The following SLC39A11 variants were observed in gnomAD, a reference collection of about 807,000 sequenced individuals.
SLC39A11 encodes the protein zinc transporter ZIP11.
SLC39A11 carries 33 observed loss-of-function variants against 36.1 expected under a neutral mutation model. The observed-to-expected ratio is 0.91, with a 90% CI of 0.69 to 1.22. SLC39A11 has a LOEUF of 1.22. Among genes scored for constraint, SLC39A11 ranks in the 50% most tolerant of loss-of-function variants. The probability of loss-of-function intolerance (pLI) is 0.00; values close to 1 mark genes in which losing one functional copy is unlikely to be tolerated. For missense variants in SLC39A11, 432 were observed against 430.3 expected, an observed-to-expected ratio of 1.00 and a Z score of -0.03; for synonymous variants, 166 against 170.3, an observed-to-expected ratio of 0.97 and a Z score of 0.20.
chr17:72,831,791 C>T (rs868533868), intron 6 of SLC39A11, among the ~76,000 whole-genome samples: 3 of 152,130 alleles, frequency 2.0e-5, no homozygotes, highest in Admixed American at 1.3e-4. Flanking sequence ...AAGAAGCATC[C>T]GAATTCATTT....
chr17:73,024,211 G>C (rs2058453384), intron 4 of SLC39A11, among the ~76,000 whole-genome samples: 1 of 152,188 alleles, frequency 6.6e-6, no homozygotes, highest in Admixed American at 6.5e-5. Flanking sequence ...ACACTGGAAG[G>C]ATCTGCTATT....
At position 72,737,991 on chromosome 17, in the gene SLC39A11, CATTTTT is replaced by C. The variant is rs1044611296; in HGVS notation, c.602-1278_602-1273del. On this transcript the variant is annotated intron_variant, in intron 6 of 9. Coordinates refer to ENST00000255559, the MANE Select transcript of SLC39A11 (RefSeq NM_139177.4). The stretch of plus-strand genomic sequence containing the variant: ...TGGCGTGATCACCACCACCAGCATG[CATTTTT>C]ATTTTTATATTTTTATGTTTTATTG... 5.9e-4 allele frequency among the ~76,000 whole-genome samples: 90 copies of C among 152,030 alleles called. 2 individuals are homozygous for C. Among genetic ancestry groups the C allele is most frequent in the Non-Finnish European group, 1.8e-4 (12 of 67,994 alleles).
intron 5 of SLC39A11, among the ~76,000 whole-genome samples, chr17:72,938,336 C>T (rs1399400822): frequency 6.6e-6 from 1 of 152,168 alleles, no homozygotes; most frequent in African/African-American, 2.4e-5. Flanking sequence ...CTGTACTTCA[C>T]GCAGGTTCAA....
At chr17:72,714,332 G>A (rs4793479) in intron 7 of SLC39A11, among the ~76,000 whole-genome samples, 78,578 of 151,802 alleles carry the variant, frequency 0.52, 22,815 homozygotes, top group Admixed American at 0.64. Flanking sequence ...CTCCAGCCTG[G>A]GTAACAGAGT....
chr17:72,920,666 C>T (rs2083607992), intron 5 of SLC39A11, among the ~76,000 whole-genome samples: 1 of 126,242 alleles, frequency 7.9e-6, no homozygotes, highest in African/African-American at 3.1e-5. Context: ...ACACCCTATA[C>T]ACAAACACAC....
In SLC39A11 at chr17:72,812,900, A is replaced by G. The variant is rs572853578; in HGVS notation, c.601+36734T>C. On this transcript the variant is annotated intron_variant, in intron 6 of 9. Transcript: ENST00000255559. ...ATAGCATCCCGCTTTTCTTTGAGAAATTCCCTGCCTCCATCCTACACAGTC... is the reference window on the plus strand; with the variant it reads ...ATAGCATCCCGCTTTTCTTTGAGAAGTTCCCTGCCTCCATCCTACACAGTC... 4.0e-5 allele frequency among the ~76,000 whole-genome samples: 6 copies of G among 151,564 alleles called. No homozygotes were observed. In the East Asian group the frequency reaches 1.2e-3, roughly 29 times the overall value.
At chr17:73,061,180 T>G (rs1490006971) in intron 3 of SLC39A11, among the ~76,000 whole-genome samples, 3 of 152,028 alleles carry the variant, frequency 2.0e-5, no homozygotes, top group South Asian at 2.1e-4. Context: ...GCCAACATGG[T>G]GAAACCCCGT....
chr17:72,961,124 G>C (rs1042305766), intron 4 of SLC39A11, among the ~76,000 whole-genome samples: 1 of 152,212 alleles, frequency 6.6e-6, no homozygotes, highest in South Asian at 2.1e-4. Context: ...CAGGAGGCCT[G>C]TTCTCATCAC....
In SLC39A11 at chr17:73,015,484, T is replaced by C. The variant is rs1051208981; in HGVS notation, c.306+16072A>G. On this transcript the variant is annotated intron_variant, in intron 4 of 9. Transcript: ENST00000255559. ...CATATACAGTTTATAATTTGGAGTA[T>C]TTCAATGTACCCTGTATGCCATCCG... Among the ~76,000 whole-genome samples the C allele has an allele frequency of 7.2e-5, 11 of 152,354 alleles. No individual in the cohort carries two copies. In the South Asian group the frequency reaches 1.5e-3, roughly 20 times the overall value.
intron 6 of SLC39A11, among the ~76,000 whole-genome samples, chr17:72,747,759 A>C (rs543390732): frequency 6.6e-6 from 1 of 152,312 alleles, no homozygotes; most frequent in East Asian, 1.9e-4. Flanking sequence ...CAGGAAGCAA[A>C]ACCAAGAAGG....
intron 6 of SLC39A11, among the ~76,000 whole-genome samples, chr17:72,842,078 A>ATGTGTGTGTG (rs61185081): frequency 0.38 from 55,756 of 148,616 alleles, 11,076 homozygotes; most frequent in Non-Finnish European, 0.44. Flanking sequence ...TCAAAAAACT[A>ATGTGTGTGTG]TGTGTGTGTG....
At chr17:72,861,704 G>T (rs1207934525) in intron 5 of SLC39A11, among the ~76,000 whole-genome samples, 568 of 44,296 alleles carry the variant, frequency 0.013, no homozygotes, top group Non-Finnish European at 0.014. Flanking sequence ...ATATATATTG[G>T]ATATATATAG....
At chr17:73,041,013 A>AAACAAAAC (rs1474856533) in intron 3 of SLC39A11, among the ~76,000 whole-genome samples, 1 of 151,116 alleles carries the variant, frequency 6.6e-6, no homozygotes, top group African/African-American at 2.4e-5. Flanking sequence ...AAAAAACAAA[A>AAACAAAAC]AAAAAAAACA....
chr17:72,720,584 T>C (rs1164278845), intron 7 of SLC39A11, among the ~76,000 whole-genome samples: 3 of 152,108 alleles, frequency 2.0e-5, no homozygotes, highest in African/African-American at 7.2e-5. Context: ...CATCTAGCTG[T>C]AGGATGTGTC....
At position 72,838,063 on chromosome 17, in the gene SLC39A11, C is replaced by G. The variant is rs967871933; in HGVS notation, c.601+11571G>C. On this transcript the variant is annotated intron_variant, in intron 6 of 9. Transcript: ENST00000255559. ...CTATGGGAGGCTGAAGCAGGAGGTT[C>G]TCTTGAGGCCAGCAGTTCGAGGCCA... 12 of 1,083,200 alleles carry G rather than the reference C, an allele frequency of 1.1e-5. 1 individual carries two copies. The Admixed American group carries it at 3.4e-4, about 31-fold the overall frequency. 67.1% of individuals were successfully genotyped at this position (1,083,200 alleles called of 1,614,324 possible).
chr17:72,785,386 C>T (rs116729671), intron 6 of SLC39A11, among the ~76,000 whole-genome samples: 11,177 of 136,030 alleles, frequency 0.082, 432 homozygotes, highest in African/African-American at 0.12. Flanking sequence ...GAGAAAGAGT[C>T]GGGAGAATTT....
chr17:72,717,020 C>CATATAT (rs2073419058), intron 7 of SLC39A11, among the ~76,000 whole-genome samples: 7 of 144,086 alleles, frequency 4.9e-5, no homozygotes, highest in African/African-American at 1.8e-4. Flanking sequence ...CACACACACA[C>CATATAT]ACACATATAC....
At chr17:72,935,822 A>T (rs1414904532) in intron 5 of SLC39A11, among the ~76,000 whole-genome samples, 1 of 151,750 alleles carries the variant, frequency 6.6e-6, no homozygotes, top group Non-Finnish European at 1.5e-5. Flanking sequence ...TGACCTCGTG[A>T]TCCACCCGCC....
chr17:72,983,361 C>CT (rs2088478424), intron 4 of SLC39A11, among the ~76,000 whole-genome samples: 1 of 152,166 alleles, frequency 6.6e-6, no homozygotes, highest in Non-Finnish European at 1.5e-5. Flanking sequence ...GTTGGCCAGG[C>CT]TGGTCTCAAG....
Sources: allele counts gnomAD v4.1 joint callset (sites outside exome capture counted in the v4.1 genomes callset), GRCh38; gene constraint gnomAD v4.1.1; transcripts MANE v1.5; gene names NCBI Gene and HGNC (gene_info 2026-07-23, HGNC 2026-07-21).